The following SHF variants were observed in gnomAD, a reference collection of about 807,000 sequenced individuals.
SHF encodes the protein SH2 domain-containing adapter protein F.
In SHF, 30 loss-of-function variants were observed where a neutral mutation model predicts 42.4. The observed-to-expected ratio is 0.71, with a 90% confidence interval of 0.53 to 0.96. The LOEUF (loss-of-function observed/expected upper bound fraction) is 0.96. SHF is among the 40% of genes least tolerant of loss of function. The pLI is 0.00. For missense variants in SHF, 598 were observed against 634.0 expected, an observed-to-expected ratio of 0.94 and a Z score of 0.61; for synonymous variants, 264 against 269.9, an observed-to-expected ratio of 0.98 and a Z score of 0.21.
intron 6 of SHF, chr15:45,170,634 A>G (rs1432557764): frequency 3.7e-6 from 1 of 267,212 alleles, no homozygotes; most frequent in South Asian, 3.4e-5. Context: ...CACTTTTTCT[A>G]TTATCTTTTT....
intron 2 of SHF, among the ~76,000 whole-genome samples, chr15:45,197,829 A>G (rs1414652690): frequency 4.1e-3 from 27 of 6,588 alleles, no homozygotes; most frequent in Admixed American, 0.029. Flanking sequence ...CACCTCAGGA[A>G]AAAAAAAAAA....
At chr15:45,189,901 G>A (rs144324124), upstream of SHF, among the ~76,000 whole-genome samples, 335 of 152,324 alleles carry the variant, frequency 2.2e-3, 4 homozygotes, top group African/African-American at 7.6e-3. Flanking sequence ...CTGGGAGGTT[G>A]AGGTGGGAGA....
At position 45,167,906 on chromosome 15, in the gene SHF, A is replaced by G; in HGVS notation, c.*41T>C. On this transcript the variant is annotated 3_prime_UTR_variant, in exon 7 of 7. Coordinates refer to ENST00000690270, the MANE Select transcript of SHF (RefSeq NM_001394037.1). Reference sequence around the variant, plus strand: ...CAGCCCTCAGCCAGGTGATGGGCACAGGGCTGGGTACAGGTCTATCACAGT... The same window carrying G: ...CAGCCCTCAGCCAGGTGATGGGCACGGGGCTGGGTACAGGTCTATCACAGT... 6.8e-7 allele frequency: 1 copy of G among 1,479,752 alleles called. No homozygotes were observed. The highest frequency in any genetic ancestry group is 9.0e-7 in the Non-Finnish European group (1 of 1,105,544). 91.7% of individuals were successfully genotyped at this position (1,479,752 alleles called of 1,614,324 possible). A position where few individuals can be genotyped will look rare whatever the true frequency, so the allele number is the denominator to read the frequency against.
Position 45,187,469 on chromosome 15 carries a change from G to T in SHF, c.483C>A (p.Pro161=), listed in dbSNP as rs1027762019. ...CGGCACTCACCCTATCGCTGCTGGCGGGGGGTCCGGAGATCCGCTCATCAG... is the reference window on the plus strand; with the variant it reads ...CGGCACTCACCCTATCGCTGCTGGCTGGGGGTCCGGAGATCCGCTCATCAG... ...PPADERISGP[P]ASSDRLAILE... The change falls in exon 1 of 7, where the codon CCC becomes CCA. Residue 161 remains proline (P), a synonymous_variant. Coordinates refer to ENST00000690270, the MANE Select transcript of SHF (RefSeq NM_001394037.1). 26 of 1,231,902 alleles carry T rather than the reference G, an allele frequency of 2.1e-5. No individual in the cohort carries two copies. Among genetic ancestry groups the T allele is most frequent in the Non-Finnish European group, 2.6e-5 (26 of 987,718 alleles). The allele number at this position is 1,231,902 out of a possible 1,614,324, so 76.3% of individuals were successfully genotyped here.
upstream of SHF, chr15:45,188,008 G>A (rs1300541247): frequency 2.5e-6 from 1 of 405,618 alleles, no homozygotes; most frequent in Non-Finnish European, 3.8e-6. Context: ...CGGGGGCGGG[G>A]GTGGGGAGGG....
At chr15:45,193,679 T>C (rs1898778104) in intron 2 of SHF, among the ~76,000 whole-genome samples, 1 of 152,156 alleles carries the variant, frequency 6.6e-6, no homozygotes, top group African/African-American at 2.4e-5. Flanking sequence ...TTTAAAATCT[T>C]TGTAGCTATC....
upstream of SHF, among the ~76,000 whole-genome samples, chr15:45,192,094 C>T (rs188579360): frequency 2.6e-5 from 4 of 152,078 alleles, no homozygotes; most frequent in African/African-American, 9.6e-5. Flanking sequence ...GTTTTACACA[C>T]TTTAGCAGGC....
chr15:45,198,377 G>C (rs1898936855), intron 2 of SHF: 1 of 167,958 alleles, frequency 6.0e-6, no homozygotes, highest in South Asian at 1.8e-4. Context: ...TGCTGGTGTG[G>C]AATTATTCAG....
intron 2 of SHF, chr15:45,198,647 C>G (rs1258998236): frequency 1.6e-6 from 2 of 1,253,448 alleles, no homozygotes; most frequent in African/African-American, 3.0e-5. Context: ...GCGGCCACAA[C>G]GCAGAGTACT....
chr15:45,167,397 C>T lies in SHF; in HGVS notation c.*550G>A. Reference sequence around the variant, plus strand: ...GAGCCGGGGCGGCCTGGGGACTGCACAGTTCCCTCTGCCCGAGCCCCTCCC... The same window carrying T: ...GAGCCGGGGCGGCCTGGGGACTGCATAGTTCCCTCTGCCCGAGCCCCTCCC... On this transcript the variant is annotated 3_prime_UTR_variant, in exon 7 of 7. Transcript: ENST00000690270. The T allele has an allele frequency of 6.5e-6, 1 of 152,752 alleles. No homozygotes were observed. Among genetic ancestry groups the T allele is most frequent in the Non-Finnish European group, 1.5e-5 (1 of 68,348 alleles). The allele number at this position is 152,752 out of a possible 1,614,324, so 9.5% of individuals were successfully genotyped here.
At chr15:45,172,417 A>G in intron 4 of SHF, 99 bp from the exon 5 acceptor site, 1 of 1,301,054 alleles carries the variant, frequency 7.7e-7, no homozygotes, top group East Asian at 2.5e-5. Flanking sequence ...TTCCAGCCCC[A>G]GAAAGGATCA....
rs186210651 is a variant in SHF, at chr15:45,198,759, A to G, written c.303+13T>C. On this transcript the variant is annotated intron_variant, in intron 2 of 7. Transcript: ENST00000290894. ...GCCTTCCCAGTTTGCGCGTCATTAAATGGCCTACTTACGGGGCGAGGTTCC... is the reference window on the plus strand; with the variant it reads ...GCCTTCCCAGTTTGCGCGTCATTAAGTGGCCTACTTACGGGGCGAGGTTCC... 2,449 of 1,603,222 alleles carry G rather than the reference A, an allele frequency of 1.5e-3. 1 individual carries two copies. Among genetic ancestry groups the G allele is most frequent in the Non-Finnish European group, 1.8e-3 (2,166 of 1,173,694 alleles).
chr15:45,187,903 T>C lies in SHF; in HGVS notation c.49A>G (p.Thr17Ala). The part of the protein sequence containing the change: ...PPAGSRPGPR[T>A]QGSAGGGPGG... The stretch of plus-strand genomic sequence containing the variant: ...GGGCCGCCCCCAGCGCTCCCCTGCG[T>C]TCGCGGCCCCGGGCGGGAGCCAGCC... Residue 17 changes from threonine to alanine, a missense_variant, in exon 1 of 7, where the codon ACG becomes GCG. This residue lies in a region of SHF where 159 missense variants were observed against 109.3 expected (regional missense o/e 1.45). Coordinates refer to ENST00000690270, the MANE Select transcript of SHF (RefSeq NM_001394037.1). 1.7e-6 allele frequency: 2 copies of C among 1,159,124 alleles called. No individual in the cohort carries two copies. The highest frequency in any genetic ancestry group is 2.1e-6 in the Non-Finnish European group (2 of 942,288). The allele number at this position is 1,159,124 out of a possible 1,614,324, so 71.8% of individuals were successfully genotyped here. A position where few individuals can be genotyped will look rare whatever the true frequency, so the allele number is the denominator to read the frequency against.
upstream of SHF, among the ~76,000 whole-genome samples, chr15:45,189,061 C>T (rs1365667118): frequency 6.6e-6 from 1 of 151,838 alleles, no homozygotes; most frequent in African/African-American, 2.4e-5. Context: ...GGTGTGGTGG[C>T]GGGCACCTGT....
chr15:45,184,650 C>T (rs1898290380), intron 1 of SHF, among the ~76,000 whole-genome samples: 1 of 152,248 alleles, frequency 6.6e-6, no homozygotes, highest in African/African-American at 2.4e-5. Context: ...AATCAGAGCC[C>T]TGTTCCCATA....
In SHF at chr15:45,177,865, G is replaced by C. The variant is rs572956903; in HGVS notation, c.640+300C>G. On this transcript the variant is annotated intron_variant, in intron 2 of 6. Transcript: ENST00000690270. The stretch of plus-strand genomic sequence containing the variant: ...AAACTCATCCCCCCTCCCAAGGCTA[G>C]TGGTTCTCTTTTTGGGATCACTGAT... Among the ~76,000 whole-genome samples, 5 of 152,284 alleles carry C rather than the reference G, an allele frequency of 3.3e-5. No individual in the cohort carries two copies. The South Asian group carries it at 8.3e-4, about 25-fold the overall frequency.
intron 2 of SHF, among the ~76,000 whole-genome samples, chr15:45,195,639 T>G (rs1192442023): frequency 6.6e-6 from 1 of 152,184 alleles, no homozygotes; most frequent in African/African-American, 2.4e-5. Context: ...CCATAGGCAG[T>G]GTGCCTAGAG....
upstream of SHF, among the ~76,000 whole-genome samples, chr15:45,189,754 G>A (rs1313206636): frequency 6.6e-6 from 1 of 152,004 alleles, no homozygotes; most frequent in African/African-American, 2.4e-5. Context: ...AAAGCGGGGG[G>A]TGTAAAGAAG....
intron 2 of SHF, chr15:45,198,552 T>G (rs1898944864): frequency 3.8e-6 from 2 of 527,658 alleles, no homozygotes; most frequent in African/African-American, 3.8e-5. Context: ...TATAAAATGT[T>G]ACAAAAAAGG....
Sources: gnomAD v4.1 joint callset for allele counts (sites outside exome capture counted in the v4.1 genomes callset) on GRCh38, gnomAD v4.1.1 for gene constraint, gnomAD v4.1.1 regional missense constraint, MANE v1.5 for transcripts, NCBI Gene and HGNC (gene_info 2026-07-23, HGNC 2026-07-21) for gene names.